MIGA1: variants seen among roughly 807,000 people sequenced by gnomAD.
MIGA1 encodes the protein family with sequence similarity 73, member A.
In MIGA1, 58 loss-of-function variants were observed where a neutral mutation model predicts 82.0. The observed-to-expected ratio is 0.71, with a 90% CI of 0.57 to 0.88. The LOEUF (loss-of-function observed/expected upper bound fraction) is 0.88. MIGA1 is among the 40% of genes least tolerant of loss of function. The pLI, the probability that MIGA1 is intolerant of heterozygous loss-of-function variation, is 0.00. For missense variants in MIGA1, 751 were observed against 749.1 expected (o/e 1.00, Z -0.03); for synonymous variants, 249 against 253.6 (o/e 0.98, Z 0.17).
intron 7 of MIGA1, among the ~76,000 whole-genome samples, chr1:77,839,070 G>A (rs959931401): frequency 2.0e-5 from 3 of 152,098 alleles, no homozygotes; most frequent in Non-Finnish European, 4.4e-5. Flanking sequence ...ATGCATTTCT[G>A]TAAAACACAC....
At chr1:77,793,409 C>G (rs1431849362) in intron 2 of MIGA1, among the ~76,000 whole-genome samples, 1 of 151,854 alleles carries the variant, frequency 6.6e-6, no homozygotes, top group Admixed American at 6.6e-5. Context: ...AGCCTATTTG[C>G]TTTTTTTACT....
intron 14 of MIGA1, among the ~76,000 whole-genome samples, chr1:77,870,244 G>A (rs1306419048): frequency 2.1e-4 from 27 of 130,420 alleles, no homozygotes; most frequent in African/African-American, 7.3e-4. Context: ...CCTCCCTCCC[G>A]GTCGGGGTGG....
Position 77,863,971 on chromosome 1 carries a change from C to A in MIGA1, c.1452C>A (p.Pro484=). 1 of 1,607,122 alleles carries A rather than the reference C, an allele frequency of 6.2e-7. No individual in the cohort carries two copies. Among genetic ancestry groups the A allele is most frequent in the Non-Finnish European group, 8.5e-7 (1 of 1,178,218 alleles). The change falls in exon 13 of 16, where the codon CCC becomes CCA. Residue 484 remains proline, a synonymous_variant. Coordinates refer to ENST00000370791, the MANE Select transcript of MIGA1 (RefSeq NM_198549.4). ...CCTTTGAAGATTTGGAAAACCCACC[C>A]ACATCCATACAGAATGTAGTAAATA...
chr1:77,783,474 A>G (rs2101678663), intron 2 of MIGA1, 123 bp downstream of exon 2: 3 of 484,294 alleles, frequency 6.2e-6, no homozygotes, highest in Non-Finnish European at 1.0e-5. Context: ...TTATTACAGT[A>G]GTTAAAAAAC....
intron 4 of MIGA1, among the ~76,000 whole-genome samples, chr1:77,806,362 G>T (rs773809898): frequency 2.0e-5 from 3 of 152,164 alleles, no homozygotes; most frequent in Non-Finnish European, 4.4e-5. Flanking sequence ...TTGTTATGTC[G>T]AAAGTGTCTG....
intron 14 of MIGA1, 113 bp downstream of exon 14, chr1:77,866,504 G>A (rs1041400810): frequency 1.0e-6 from 1 of 975,198 alleles, no homozygotes; most frequent in Non-Finnish European, 1.6e-6. Flanking sequence ...GGGTAGGAGG[G>A]ACTGTCCCTC....
rs561001324 is a variant in MIGA1 at position 77,840,962 on chromosome 1, A to G, written c.896-2345A>G. 2.7e-4 allele frequency among the ~76,000 whole-genome samples: 41 copies of G among 152,342 alleles called. No homozygotes were observed. The South Asian group carries it at 7.9e-3, about 29-fold the overall frequency. On this transcript the variant is annotated intron_variant, in intron 7 of 15. Coordinates refer to ENST00000370791, the MANE Select transcript of MIGA1 (RefSeq NM_198549.4). ...GCTTTGAAGGTTGTACACGAGGATT[A>G]AGTTTTGTATAAAAGCTCAGTGTGT...
At position 77,866,461 on chromosome 1, in the gene MIGA1, C is replaced by T. The variant is rs181034798; in HGVS notation, c.1563+70C>T. The T allele has an allele frequency of 1.9e-5, 28 of 1,450,054 alleles. No homozygotes were observed. In the Admixed American group the frequency reaches 4.4e-4, roughly 23 times the overall value. 89.8% of individuals were successfully genotyped at this position (1,450,054 alleles called of 1,614,324 possible). A position where few individuals can be genotyped will look rare whatever the true frequency, so the allele number is the denominator to read the frequency against. ...GATTCTGTCAAAGCAGCTTCTGAGT[C>T]ACTTCTCCGGTGGGAATTGGCAGCT... On this transcript the variant is annotated intron_variant, in intron 14 of 15. Transcript: ENST00000370791.
At chr1:77,842,694 C>T (rs1378950574) in intron 7 of MIGA1, among the ~76,000 whole-genome samples, 1 of 152,058 alleles carries the variant, frequency 6.6e-6, no homozygotes, top group Non-Finnish European at 1.5e-5. Context: ...ACTACAGGTG[C>T]GCACCTGGCT....
chr1:77,786,064 C>T (rs1682148125), intron 2 of MIGA1, among the ~76,000 whole-genome samples: 1 of 152,216 alleles, frequency 6.6e-6, no homozygotes, highest in Non-Finnish European at 1.5e-5. Flanking sequence ...GGTGGAGGTT[C>T]CCAAACTCCA....
At chr1:77,838,644 C>T (rs747630135) in intron 7 of MIGA1, among the ~76,000 whole-genome samples, 6 of 152,080 alleles carry the variant, frequency 3.9e-5, no homozygotes, top group East Asian at 1.9e-4. Context: ...GGCATGGTTT[C>T]GCCATGTTGG....
At chr1:77,869,614 C>CAG (rs1473936254) in intron 14 of MIGA1, among the ~76,000 whole-genome samples, 1 of 138,050 alleles carries the variant, frequency 7.2e-6, no homozygotes, top group African/African-American at 2.6e-5. Context: ...GCTGGCCAGG[C>CAG]AGAGGGGTCC....
At chr1:77,790,137 G>T (rs12027183) in intron 2 of MIGA1, among the ~76,000 whole-genome samples, 6,185 of 152,216 alleles carry the variant, frequency 0.041, 187 homozygotes, top group East Asian at 0.15. Flanking sequence ...TCAAGAAATT[G>T]ACAGTGACAA....
At chr1:77,799,586 G>T (rs1187132331) in intron 2 of MIGA1, among the ~76,000 whole-genome samples, 1 of 151,952 alleles carries the variant, frequency 6.6e-6, no homozygotes, top group Non-Finnish European at 1.5e-5. Flanking sequence ...GTGTAATTTG[G>T]CCTTCAGTTT....
intron 2 of MIGA1, among the ~76,000 whole-genome samples, chr1:77,790,268 T>G (rs1682358373): frequency 6.6e-6 from 1 of 152,206 alleles, no homozygotes; most frequent in African/African-American, 2.4e-5. Context: ...GCATCCTCTT[T>G]ATAATCACAC....
At chr1:77,824,511 T>C (rs952581988) in intron 7 of MIGA1, among the ~76,000 whole-genome samples, 5 of 152,288 alleles carry the variant, frequency 3.3e-5, no homozygotes, top group East Asian at 1.9e-4. Flanking sequence ...TGAGTTACGA[T>C]TGGGCCATTG....
rs142333468 is a variant in MIGA1 at position 77,806,239 on chromosome 1, G to A, written c.511-736G>A. On this transcript the variant is annotated intron_variant, in intron 4 of 15. Coordinates refer to ENST00000370791, the MANE Select transcript of MIGA1 (RefSeq NM_198549.4). Reference sequence around the variant, plus strand: ...TAATGTAGGCAATTGAAACACAATGGTATTTGTGTATCTAAACATATCTGA... The same window carrying A: ...TAATGTAGGCAATTGAAACACAATGATATTTGTGTATCTAAACATATCTGA... Among the ~76,000 whole-genome samples the A allele has an allele frequency of 3.3e-3, 505 of 152,268 alleles. 2 individuals are homozygous for A. The highest frequency in any genetic ancestry group is 3.3e-3 in the Non-Finnish European group (224 of 68,022).
intron 2 of MIGA1, among the ~76,000 whole-genome samples, chr1:77,795,044 A>G (rs921036515): frequency 4.7e-5 from 7 of 148,818 alleles, no homozygotes; most frequent in East Asian, 2.1e-4. Context: ...GCTCACTGCA[A>G]TCTCCACCTC....
intron 5 of MIGA1, among the ~76,000 whole-genome samples, chr1:77,809,773 A>G (rs1306988688): frequency 7.3e-6 from 1 of 137,298 alleles, no homozygotes. Flanking sequence ...TTTTTTTTGT[A>G]CTATGAAAGT....
Sources: gnomAD v4.1 joint callset for allele counts (sites outside exome capture counted in the v4.1 genomes callset) on GRCh38, gnomAD v4.1.1 for gene constraint, MANE v1.5 for transcripts, NCBI Gene and HGNC (gene_info 2026-07-23, HGNC 2026-07-21) for gene names.